Variants in PCDH9 observed in about 807,000 individuals in gnomAD.
PCDH9 encodes protocadherin 9.
A neutral mutation model predicts 70.6 loss-of-function variants in PCDH9; 24 were observed. That is an observed-to-expected ratio of 0.34 (90% CI 0.25 to 0.48). The LOEUF is 0.48. PCDH9 is among the 20% of genes least tolerant of loss of function. The pLI is 0.99. For synonymous variants in PCDH9, 562 were observed against 558.5 expected, an observed-to-expected ratio of 1.01 and a Z score of -0.09; for missense variants, 1,281 against 1,503.6, an observed-to-expected ratio of 0.85 and a Z score of 2.45.
At chr13:67,053,628 T>C (rs1052156610) in intron 2 of PCDH9, among the ~76,000 whole-genome samples, 1 of 152,214 alleles carries the variant, frequency 6.6e-6, no homozygotes, top group Non-Finnish European at 1.5e-5. Flanking sequence ...TCTATATTTG[T>C]GCACTCAAAC....
intron 3 of PCDH9, among the ~76,000 whole-genome samples, chr13:66,747,754 C>T (rs1329990679): frequency 6.6e-6 from 1 of 152,036 alleles, no homozygotes; most frequent in East Asian, 1.9e-4. Flanking sequence ...CACACATACA[C>T]AGACATAAAT....
intron 4 of PCDH9, among the ~76,000 whole-genome samples, chr13:66,403,319 AT>A (rs929982243): frequency 6.7e-6 from 1 of 149,164 alleles, no homozygotes; most frequent in African/African-American, 2.5e-5. Flanking sequence ...TGTTTTTTGT[AT>A]TTTTTTTGTA....
chr13:66,622,317 A>C (rs1163060765), intron 4 of PCDH9, among the ~76,000 whole-genome samples: 1 of 152,170 alleles, frequency 6.6e-6, no homozygotes, highest in Non-Finnish European at 1.5e-5. Context: ...CGACCACCCA[A>C]GGGCTGAGGA....
intron 4 of PCDH9, among the ~76,000 whole-genome samples, chr13:66,623,336 G>GAAGGA (rs2077454855): frequency 1.3e-5 from 2 of 152,228 alleles, no homozygotes; most frequent in African/African-American, 4.8e-5. Context: ...GTTAAACCAT[G>GAAGGA]TATTCACTGA....
At chr13:67,208,744 C>T (rs894113190) in intron 2 of PCDH9, 9 of 152,204 alleles carry the variant, frequency 5.9e-5, no homozygotes, top group African/African-American at 2.2e-4. Flanking sequence ...GCTGCCAATA[C>T]AGAAGGCTTT....
chr13:66,480,378 T>C (rs1280945942), intron 4 of PCDH9, among the ~76,000 whole-genome samples: 3 of 152,208 alleles, frequency 2.0e-5, no homozygotes, highest in African/African-American at 7.2e-5. Flanking sequence ...ACTGAGAACA[T>C]TGTTGAAATA....
At chr13:66,910,122 T>G (rs886982276) in intron 2 of PCDH9, among the ~76,000 whole-genome samples, 1 of 152,190 alleles carries the variant, frequency 6.6e-6, no homozygotes, top group African/African-American at 2.4e-5. Flanking sequence ...GGAAAAGTCC[T>G]CTCTTCTCCC....
At chr13:66,325,740 T>C (rs1467295439) in intron 4 of PCDH9, among the ~76,000 whole-genome samples, 1 of 151,032 alleles carries the variant, frequency 6.6e-6, no homozygotes, top group Non-Finnish European at 1.5e-5. Context: ...ACTCTTATTT[T>C]ATTCACAATT....
chr13:67,006,538 G>T (rs569612637), intron 2 of PCDH9, among the ~76,000 whole-genome samples: 5 of 152,272 alleles, frequency 3.3e-5, no homozygotes, highest in African/African-American at 1.2e-4. Flanking sequence ...GCGATTTTCT[G>T]CAGTCCCTTT....
intron 3 of PCDH9, among the ~76,000 whole-genome samples, chr13:66,838,342 C>T (rs1265681823): frequency 6.6e-6 from 1 of 151,664 alleles, no homozygotes; most frequent in African/African-American, 2.4e-5. Context: ...TTTTATTTCC[C>T]TTAATCTTTA....
chr13:66,527,106 T>C (rs993808570), intron 4 of PCDH9, among the ~76,000 whole-genome samples: 1 of 151,744 alleles, frequency 6.6e-6, no homozygotes, highest in African/African-American at 2.4e-5. Context: ...AATCTTTCCA[T>C]AAAACTATCA....
At chr13:66,987,108 T>C (rs1213007840) in intron 2 of PCDH9, among the ~76,000 whole-genome samples, 1 of 152,068 alleles carries the variant, frequency 6.6e-6, no homozygotes, top group African/African-American at 2.4e-5. Flanking sequence ...TTAAATTTAT[T>C]ACAATGAATA....
intron 3 of PCDH9, among the ~76,000 whole-genome samples, chr13:66,661,584 C>A (rs2078009516): frequency 6.6e-6 from 1 of 151,964 alleles, no homozygotes; most frequent in Non-Finnish European, 1.5e-5. Context: ...ATCCTTAGAC[C>A]ATAATTTTCT....
chr13:66,740,716 T>C (rs1475652996), intron 3 of PCDH9, among the ~76,000 whole-genome samples: 4 of 152,058 alleles, frequency 2.6e-5, no homozygotes, highest in Non-Finnish European at 5.9e-5. Context: ...CAAACAACTC[T>C]ATGCAAATAA....
chr13:66,881,001 G>T (rs1260746607), intron 3 of PCDH9, among the ~76,000 whole-genome samples: 3 of 152,168 alleles, frequency 2.0e-5, no homozygotes, highest in Non-Finnish European at 4.4e-5. Flanking sequence ...GGTAAAAAAT[G>T]AAAGGTGTTA....
intron 4 of PCDH9, among the ~76,000 whole-genome samples, chr13:66,471,211 C>G (rs544926815): frequency 4.0e-5 from 6 of 151,898 alleles, no homozygotes; most frequent in Admixed American, 6.6e-5. Flanking sequence ...TCGTACATGC[C>G]TTTTTTCAAG....
chr13:66,812,452 C>T (rs955467999), intron 3 of PCDH9, among the ~76,000 whole-genome samples: 1 of 152,128 alleles, frequency 6.6e-6, no homozygotes, highest in Admixed American at 6.6e-5. Flanking sequence ...TGATAAATCA[C>T]TATGTCAAAC....
intron 4 of PCDH9, among the ~76,000 whole-genome samples, chr13:66,405,214 C>T (rs1182623367): frequency 6.6e-6 from 1 of 152,138 alleles, no homozygotes; most frequent in Admixed American, 6.5e-5. Flanking sequence ...TCTTATTAAA[C>T]ACTCTGCTTA....
intron 2 of PCDH9, among the ~76,000 whole-genome samples, chr13:67,190,954 C>T (rs1388383583): frequency 6.6e-6 from 1 of 151,950 alleles, no homozygotes; most frequent in Non-Finnish European, 1.5e-5. Flanking sequence ...TTCTATTTTT[C>T]TTCTTACTGA....
Sources: allele counts gnomAD v4.1 joint callset (sites outside exome capture counted in the v4.1 genomes callset), GRCh38; gene constraint gnomAD v4.1.1; transcripts MANE v1.5; gene names NCBI Gene and HGNC (gene_info 2026-07-23, HGNC 2026-07-21).